The following MGST1 variants were observed in gnomAD, a reference collection of about 807,000 sequenced individuals.
The protein encoded by MGST1 is glutathione S-transferase 12.
Under a neutral mutation model 8.9 loss-of-function variants are expected in MGST1, and 5 were observed. The ratio of observed to expected loss-of-function variants is 0.56; its 90% CI spans 0.29 to 1.19. MGST1 has a LOEUF of 1.19. Among genes scored for constraint, MGST1 ranks in the 50% most tolerant of loss-of-function variants. The probability of loss-of-function intolerance (pLI) is 0.08; values close to 1 mark genes in which losing one functional copy is unlikely to be tolerated. For missense variants in MGST1, 182 were observed against 187.4 expected, an observed-to-expected ratio of 0.97 and a Z score of 0.17; for synonymous variants, 54 against 67.8, an observed-to-expected ratio of 0.80 and a Z score of 1.00.
intron 1 of MGST1, among the ~76,000 whole-genome samples, chr12:16,431,663 C>G (rs1021328763): frequency 6.6e-6 from 1 of 151,986 alleles, no homozygotes; most frequent in Non-Finnish European, 1.5e-5. Flanking sequence ...GATTACTAAT[C>G]ACAGATCACA....
downstream of MGST1, among the ~76,000 whole-genome samples, chr12:16,377,473 A>G (rs1306039470): frequency 6.6e-6 from 1 of 151,936 alleles, no homozygotes; most frequent in Non-Finnish European, 1.5e-5. Flanking sequence ...AAAGGACATG[A>G]ACTCATCATT....
chr12:16,489,570 T>C (rs1941423601), intron 4 of MGST1, among the ~76,000 whole-genome samples: 1 of 152,244 alleles, frequency 6.6e-6, no homozygotes, highest in East Asian at 1.9e-4. Flanking sequence ...TTTCTCCTTA[T>C]TTCCATTATT....
intron 4 of MGST1, among the ~76,000 whole-genome samples, chr12:16,485,881 G>T (rs1276294023): frequency 6.6e-6 from 1 of 152,100 alleles, no homozygotes; most frequent in South Asian, 2.1e-4. Flanking sequence ...TAAATTCAAA[G>T]AAGGTAGAAA....
intron 4 of MGST1, among the ~76,000 whole-genome samples, chr12:16,510,351 G>A (rs947723041): frequency 2.6e-5 from 4 of 152,110 alleles, no homozygotes; most frequent in African/African-American, 9.7e-5. Context: ...AAGAAAGGAG[G>A]AAAGAAATAC....
intron 4 of MGST1, among the ~76,000 whole-genome samples, chr12:16,511,892 T>C (rs1029016936): frequency 6.6e-6 from 1 of 152,168 alleles, no homozygotes; most frequent in Admixed American, 6.5e-5. Flanking sequence ...CCAATTTCAT[T>C]TCTCTTGTTA....
chr12:16,551,242 A>G, intron 4 of MGST1: 1 of 1,610,502 alleles, frequency 6.2e-7, no homozygotes, highest in Non-Finnish European at 8.5e-7. Context: ...TGGGGTGCAT[A>G]ACCTTCTTTC....
intron 4 of MGST1, among the ~76,000 whole-genome samples, chr12:16,563,582 T>G (rs1310357941): frequency 6.6e-6 from 1 of 152,168 alleles, no homozygotes; most frequent in African/African-American, 2.4e-5. Context: ...CTGATAATTC[T>G]TGTAACCTCT....
intron 4 of MGST1, among the ~76,000 whole-genome samples, chr12:16,492,442 C>T (rs963899255): frequency 8.5e-5 from 13 of 152,108 alleles, no homozygotes; most frequent in African/African-American, 3.1e-4. Flanking sequence ...TCTGACCTCT[C>T]CTCCCAGCAG....
chr12:16,483,919 A>C (rs1015060951), intron 4 of MGST1, among the ~76,000 whole-genome samples: 1 of 152,200 alleles, frequency 6.6e-6, no homozygotes, highest in African/African-American at 2.4e-5. Context: ...AACACACAAA[A>C]TATTTACAAA....
intron 4 of MGST1, among the ~76,000 whole-genome samples, chr12:16,512,935 C>G (rs1243921108): frequency 2.0e-5 from 3 of 152,176 alleles, no homozygotes; most frequent in African/African-American, 7.2e-5. Flanking sequence ...TGTGACCTGA[C>G]AGCCAGGACT....
chr12:16,591,252 A>G (rs769827232), downstream of MGST1, among the ~76,000 whole-genome samples: 5 of 151,684 alleles, frequency 3.3e-5, no homozygotes, highest in Non-Finnish European at 5.9e-5. This position sits in a 1 kb window ranked among gnomAD's most constrained non-coding sequence, Gnocchi z 4.1. Flanking sequence ...AAAAACTCCC[A>G]CCTCAGGGCC....
intron 1 of MGST1, among the ~76,000 whole-genome samples, chr12:16,435,959 C>T (rs1940981820): frequency 6.7e-6 from 1 of 149,366 alleles, no homozygotes; most frequent in African/African-American, 2.5e-5. Flanking sequence ...TGTATGATAT[C>T]TTTTAAAGAA....
At chr12:16,477,934 T>C (rs924556556) in intron 4 of MGST1, among the ~76,000 whole-genome samples, 2 of 152,216 alleles carry the variant, frequency 1.3e-5, no homozygotes. Context: ...CAGTGCAGCG[T>C]TGTAAATGTC....
intron 1 of MGST1, among the ~76,000 whole-genome samples, chr12:16,349,449 A>G (rs1939356394): frequency 6.6e-6 from 1 of 152,188 alleles, no homozygotes; most frequent in Non-Finnish European, 1.5e-5. Flanking sequence ...GAGAATTCTT[A>G]GCCTTGATGG....
At chr12:16,505,362 G>C (rs114983601) in intron 4 of MGST1, among the ~76,000 whole-genome samples, 1 of 152,148 alleles carries the variant, frequency 6.6e-6, no homozygotes, top group African/African-American at 2.4e-5. Flanking sequence ...ATAGCACTGC[G>C]ATTAACATGT....
At chr12:16,541,846 G>T (rs907417458) in intron 4 of MGST1, among the ~76,000 whole-genome samples, 2 of 152,056 alleles carry the variant, frequency 1.3e-5, no homozygotes, top group East Asian at 3.9e-4. Flanking sequence ...CGTAAGTTTC[G>T]GTAAGCCAAG....
downstream of MGST1, among the ~76,000 whole-genome samples, chr12:16,591,865 C>A (rs1943504205): frequency 6.6e-6 from 1 of 151,978 alleles, no homozygotes; most frequent in South Asian, 2.1e-4. The surrounding 1 kb of genome is among the most constrained non-coding windows in gnomAD (Gnocchi z 4.1). Flanking sequence ...TACTTTATAA[C>A]CTCCCTGCTT....
At chr12:16,510,419 CTG>C (rs924921506) in intron 4 of MGST1, among the ~76,000 whole-genome samples, 3 of 152,322 alleles carry the variant, frequency 2.0e-5, no homozygotes, top group South Asian at 2.1e-4. Flanking sequence ...AATTAGCAAA[CTG>C]TTTTAAAATT....
Position 16,413,885 on chromosome 12 carries a change from A to G in MGST1, n.779-23503A>G, listed in dbSNP as rs1225719814. On this transcript the variant is annotated intron_variant and non_coding_transcript_variant, in intron 1 of 1. Coordinates refer to the MGST1 transcript ENST00000359720. This position sits in a 1 kb window ranked among gnomAD's most constrained non-coding sequence, Gnocchi z 4.0. Reference sequence around the variant, plus strand: ...CAAATCAATGAATGAAAGTATACATATATTAATATGAATATGTGAATGTAT... The same window carrying G: ...CAAATCAATGAATGAAAGTATACATGTATTAATATGAATATGTGAATGTAT... Among the ~76,000 whole-genome samples the G allele has an allele frequency of 6.6e-6, 1 of 152,190 alleles. No homozygotes were observed. Among genetic ancestry groups the G allele is most frequent in the East Asian group, 1.9e-4 (1 of 5,198 alleles).
Sources: allele counts gnomAD v4.1 joint callset (sites outside exome capture counted in the v4.1 genomes callset), GRCh38; gene constraint gnomAD v4.1.1; non-coding constraint Gnocchi (gnomAD v3.1); transcripts MANE v1.5; gene names NCBI Gene and HGNC (gene_info 2026-07-23, HGNC 2026-07-21).